Variants in ERC2 observed in about 807,000 individuals in gnomAD.
ERC2 encodes ERC protein 2.
Under a neutral mutation model 114.8 loss-of-function variants are expected in ERC2, and 42 were observed. The ratio of observed to expected loss-of-function variants is 0.37; its 90% confidence interval spans 0.29 to 0.47. The LOEUF (loss-of-function observed/expected upper bound fraction) is 0.47. ERC2 is among the 20% of genes least tolerant of loss of function. ERC2 has a pLI of 0.99. For missense variants in ERC2, 939 were observed against 1,150.7 expected, an observed-to-expected ratio of 0.82 and a Z score of 2.66; for synonymous variants, 454 against 425.5, an observed-to-expected ratio of 1.07 and a Z score of -0.82.
chr3:56,010,574 G>A lies in ERC2; in HGVS notation c.1795C>T (p.Arg599Cys), dbSNP rs746095506. 15 of 1,612,744 alleles carry A rather than the reference G, an allele frequency of 9.3e-6. No homozygotes were observed. The highest frequency in any genetic ancestry group is 4.5e-5 in the East Asian group (2 of 44,856). ...TCTCTTTCTCGCTGTTCTTTCAAGC[G>A]CTCAATTATTCTCTCCTGTAAGGCA... The part of the protein sequence containing the change: ...ALSEKERIIE[R>C]LKEQRERDDR... The change falls in exon 9 of 18, where the codon CGC becomes TGC. Residue 599 changes from arginine (R) to cysteine (C), a missense_variant. Arg to Cys is a radical substitution (Grantham distance 180). Coordinates refer to ENST00000288221, the MANE Select transcript of ERC2 (RefSeq NM_015576.3).
chr3:56,322,507 CTT>C (rs2057174455), intron 2 of ERC2, among the ~76,000 whole-genome samples: 1 of 152,180 alleles, frequency 6.6e-6, no homozygotes, highest in Non-Finnish European at 1.5e-5. Flanking sequence ...CTTTTGTACT[CTT>C]GAGACTTCTA....
At chr3:56,378,047 G>A (rs573579765) in intron 2 of ERC2, among the ~76,000 whole-genome samples, 11 of 152,078 alleles carry the variant, frequency 7.2e-5, no homozygotes, top group Admixed American at 2.6e-4. Context: ...CAGATCGCCC[G>A]CCCAGAAGCT....
intron 6 of ERC2, among the ~76,000 whole-genome samples, chr3:56,133,661 A>G (rs2080336146): frequency 6.6e-6 from 1 of 152,190 alleles, no homozygotes; most frequent in South Asian, 2.1e-4. Context: ...TAGGGGCAAC[A>G]ATACCAACTT....
chr3:56,260,982 C>G (rs1453026862), intron 3 of ERC2, among the ~76,000 whole-genome samples: 1 of 152,202 alleles, frequency 6.6e-6, no homozygotes, highest in East Asian at 1.9e-4. Context: ...TAATTCAGTT[C>G]CTTGGTTGCA....
chr3:56,019,334 A>C (rs943745730), intron 7 of ERC2, among the ~76,000 whole-genome samples: 4 of 152,116 alleles, frequency 2.6e-5, no homozygotes, highest in African/African-American at 9.7e-5. Flanking sequence ...CCAGCCTTTT[A>C]GGTCTCAAGT....
At chr3:56,404,824 A>G (rs2060651433) in intron 2 of ERC2, among the ~76,000 whole-genome samples, 1 of 152,240 alleles carries the variant, frequency 6.6e-6, no homozygotes, top group East Asian at 1.9e-4. Context: ...ACAACAATAT[A>G]CAGCACGTGC....
At chr3:55,816,271 C>T (rs184965746) in intron 14 of ERC2, among the ~76,000 whole-genome samples, 15 of 152,154 alleles carry the variant, frequency 9.9e-5, no homozygotes, top group African/African-American at 3.6e-4. Flanking sequence ...AGCCTCCATC[C>T]CTACTTGCTG....
At chr3:56,206,351 T>C (rs751951875) in intron 3 of ERC2, among the ~76,000 whole-genome samples, 2 of 152,154 alleles carry the variant, frequency 1.3e-5, no homozygotes, top group Non-Finnish European at 2.9e-5. Flanking sequence ...AATTTTCCAA[T>C]GATGAAGACA....
At chr3:55,539,434 T>C (rs1437032032) in intron 17 of ERC2, among the ~76,000 whole-genome samples, 6 of 123,024 alleles carry the variant, frequency 4.9e-5, no homozygotes, top group African/African-American at 1.7e-4. Context: ...TTTTTTTTTT[T>C]TTTTTTTTGA....
rs77543765 is a variant in ERC2 at position 56,124,385 on chromosome 3, G to A, written c.1473+15124C>T. On this transcript the variant is annotated intron_variant, in intron 6 of 17. Transcript: ENST00000288221. ...TACAGAAGTATAACACCCAGGATAA[G>A]GGTGTACGTAACAATTTATCTCTAA... Among the ~76,000 whole-genome samples the A allele has an allele frequency of 1.4e-3, 219 of 152,312 alleles. 1 individual carries two copies. The highest frequency in any genetic ancestry group is 5.0e-3 in the African/African-American group (209 of 41,564).
intron 13 of ERC2, among the ~76,000 whole-genome samples, chr3:55,950,200 T>G (rs1014977657): frequency 4.9e-4 from 74 of 152,354 alleles, no homozygotes; most frequent in African/African-American, 1.8e-3. Flanking sequence ...ACCAAAAGAC[T>G]CTGCCTTGTA....
At chr3:56,114,598 G>A (rs2079130017) in intron 6 of ERC2, among the ~76,000 whole-genome samples, 1 of 152,078 alleles carries the variant, frequency 6.6e-6, no homozygotes, top group Admixed American at 6.6e-5. Flanking sequence ...CATTATAAAG[G>A]ATACAACCCA....
chr3:55,714,169 C>T (rs2063944119), intron 15 of ERC2, among the ~76,000 whole-genome samples: 1 of 152,144 alleles, frequency 6.6e-6, no homozygotes, highest in Admixed American at 6.5e-5. Flanking sequence ...TCAGAAAAGC[C>T]TAAAAAAATG....
chr3:55,622,186 G>A (rs1240517878), intron 17 of ERC2, among the ~76,000 whole-genome samples: 4 of 152,144 alleles, frequency 2.6e-5, no homozygotes, highest in African/African-American at 9.7e-5. Context: ...TGCTTTCGAT[G>A]ACCAAAACAA....
At chr3:55,902,034 A>T (rs1251377503) in intron 13 of ERC2, among the ~76,000 whole-genome samples, 1 of 152,220 alleles carries the variant, frequency 6.6e-6, no homozygotes, top group African/African-American at 2.4e-5. Context: ...TTTAAGTGTC[A>T]TGTTCAGCAA....
At chr3:55,968,295 C>T (rs1395216228) in intron 12 of ERC2, among the ~76,000 whole-genome samples, 2 of 152,088 alleles carry the variant, frequency 1.3e-5, no homozygotes, top group Non-Finnish European at 2.9e-5. Context: ...TAAAAGAAAA[C>T]TCCTGGCAAC....
intron 14 of ERC2, among the ~76,000 whole-genome samples, chr3:55,884,892 T>A (rs1559814651): frequency 2.0e-5 from 3 of 148,110 alleles, no homozygotes; most frequent in Non-Finnish European, 3.0e-5. Context: ...GTTTGCTGCT[T>A]AAAAAAAAAA....
intron 14 of ERC2, among the ~76,000 whole-genome samples, chr3:55,831,836 A>G (rs147205671): frequency 2.0e-3 from 311 of 152,330 alleles, no homozygotes; most frequent in African/African-American, 7.2e-3. Flanking sequence ...GGGGCCAAGG[A>G]GTTCACTTTC....
chr3:56,393,137 C>T (rs1037877647), intron 2 of ERC2, among the ~76,000 whole-genome samples: 2 of 152,208 alleles, frequency 1.3e-5, no homozygotes, highest in African/African-American at 4.8e-5. Context: ...GTGGCTCATG[C>T]CTATAATCCC....
Sources: allele counts gnomAD v4.1 joint callset (sites outside exome capture counted in the v4.1 genomes callset), GRCh38; gene constraint gnomAD v4.1.1; transcripts MANE v1.5; gene names NCBI Gene and HGNC (gene_info 2026-07-23, HGNC 2026-07-21).